ZNF625: variants seen among roughly 807,000 people sequenced by gnomAD.
The protein encoded by ZNF625 is zinc finger protein 625.
ZNF625 carries 8 observed loss-of-function variants against 11.1 expected under a neutral mutation model. That is an observed-to-expected ratio of 0.72 (90% CI 0.42 to 1.30). ZNF625 has a LOEUF of 1.30. Among genes scored for constraint, ZNF625 ranks in the 50% most tolerant of loss-of-function variants. The probability of loss-of-function intolerance (pLI) is 0.01; values close to 1 mark genes in which losing one functional copy is unlikely to be tolerated. For missense variants in ZNF625, 349 were observed against 447.6 expected, an observed-to-expected ratio of 0.78 and a Z score of 1.99; for synonymous variants, 145 against 153.4, an observed-to-expected ratio of 0.95 and a Z score of 0.41.
In ZNF625 at chr19:12,144,936, G is replaced by C. The variant is rs765245482; in HGVS notation, c.*361C>G. The C allele has an allele frequency of 1.1e-5, 2 of 184,612 alleles. No homozygotes were observed. Among genetic ancestry groups the C allele is most frequent in the African/African-American group, 4.7e-5 (2 of 42,148 alleles). 11.4% of individuals were successfully genotyped at this position (184,612 alleles called of 1,614,324 possible). The stretch of plus-strand genomic sequence containing the variant: ...TCACCATATTGACCAGGCTGGTCTC[G>C]AACTACTGACCTCGTGGTCCGCCTG... On this transcript the variant is annotated 3_prime_UTR_variant, in exon 4 of 4. Transcript: ENST00000439556.
chr19:12,155,845 C>T (rs1055859224), intron 1 of ZNF625, among the ~76,000 whole-genome samples: 3 of 151,182 alleles, frequency 2.0e-5, no homozygotes, highest in African/African-American at 7.3e-5. Flanking sequence ...TAGTTTGTTG[C>T]TGTTGTTTTT....
intron 3 of ZNF625, among the ~76,000 whole-genome samples, chr19:12,146,970 ATTTT>A (rs934558893): frequency 7.6e-6 from 1 of 130,818 alleles, no homozygotes; most frequent in African/African-American, 3.0e-5. Flanking sequence ...GTTTTTAGAG[ATTTT>A]TTTTTTTTTT....
intron 3 of ZNF625, among the ~76,000 whole-genome samples, chr19:12,146,970 A>ATTTTTTTTTTTTTTTTTTT (rs934558893): frequency 0.011 from 1,428 of 130,524 alleles, 124 homozygotes; most frequent in African/African-American, 0.037. Flanking sequence ...GTTTTTAGAG[A>ATTTTTTTTTTTTTTTTTTT]TTTTTTTTTT....
At chr19:12,154,959 T>C (rs1977006327) in intron 1 of ZNF625, among the ~76,000 whole-genome samples, 1 of 152,156 alleles carries the variant, frequency 6.6e-6, no homozygotes, top group African/African-American at 2.4e-5. Flanking sequence ...CTCAGTCCTG[T>C]AATCCTAGCA....
At chr19:12,149,574 A>C (rs1976926882) in intron 1 of ZNF625, among the ~76,000 whole-genome samples, 1 of 152,116 alleles carries the variant, frequency 6.6e-6, no homozygotes, top group Non-Finnish European at 1.5e-5. Context: ...TAAGCTGGTA[A>C]AATTTAAGTT....
rs1977032466 is a variant in ZNF625, at chr19:12,156,657, C to A, written c.-99G>T. 1.7e-6 allele frequency: 2 copies of A among 1,169,238 alleles called. No homozygotes were observed. Among genetic ancestry groups the A allele is most frequent in the Non-Finnish European group, 1.1e-6 (1 of 925,590 alleles). The allele number at this position is 1,169,238 out of a possible 1,614,324, so 72.4% of individuals were successfully genotyped here. A position where few individuals can be genotyped will look rare whatever the true frequency, so the allele number is the denominator to read the frequency against. On this transcript the variant is annotated 5_prime_UTR_variant, in exon 1 of 4. Coordinates refer to ENST00000439556, the MANE Select transcript of ZNF625 (RefSeq NM_145233.4). The stretch of plus-strand genomic sequence containing the variant: ...AGCGACAGAAGCTATGGCGGAGGCA[C>A]CTGGTCCCTCTCGGGGCCGGAAAAC...
intron 3 of ZNF625, among the ~76,000 whole-genome samples, chr19:12,146,667 A>G (rs1202930945): frequency 6.6e-6 from 1 of 152,194 alleles, no homozygotes; most frequent in Non-Finnish European, 1.5e-5. Context: ...CCTAGACTCA[A>G]GCAATCTGCC....
At chr19:12,148,156 T>C (rs1976903671) in intron 1 of ZNF625, among the ~76,000 whole-genome samples, 1 of 152,024 alleles carries the variant, frequency 6.6e-6, no homozygotes, top group Non-Finnish European at 1.5e-5. Context: ...ATTTTTGTAT[T>C]TTTAGTAGAG....
At chr19:12,148,031 G>A (rs551289077) in intron 1 of ZNF625, among the ~76,000 whole-genome samples, 2 of 152,186 alleles carry the variant, frequency 1.3e-5, no homozygotes, top group Admixed American at 6.5e-5. Context: ...CCAAGTGGGA[G>A]TGCAGTGGCA....
chr19:12,149,246 C>T (rs1976920522), intron 1 of ZNF625, among the ~76,000 whole-genome samples: 1 of 144,426 alleles, frequency 6.9e-6, no homozygotes, highest in Non-Finnish European at 1.5e-5. Context: ...GATCTCACCA[C>T]TGCACTCCAG....
intron 3 of ZNF625, among the ~76,000 whole-genome samples, chr19:12,146,521 T>A (rs1336952408): frequency 6.6e-6 from 1 of 152,070 alleles, no homozygotes; most frequent in Non-Finnish European, 1.5e-5. Flanking sequence ...GCAACCTCCA[T>A]CTCCCGATCT....
intron 1 of ZNF625, among the ~76,000 whole-genome samples, chr19:12,152,714 C>T (rs750335117): frequency 6.6e-6 from 1 of 151,756 alleles, no homozygotes; most frequent in African/African-American, 2.4e-5. Flanking sequence ...TGGTAGCATG[C>T]GCCTGTAATC....
intron 1 of ZNF625, among the ~76,000 whole-genome samples, chr19:12,153,477 G>A (rs1453235605): frequency 1.3e-5 from 2 of 151,922 alleles, no homozygotes; most frequent in African/African-American, 2.4e-5. Context: ...CTGAGGTCAG[G>A]AGTTCAAGAC....
chr19:12,153,886 C>A (rs1257680139), intron 1 of ZNF625, among the ~76,000 whole-genome samples: 2 of 144,796 alleles, frequency 1.4e-5, no homozygotes, highest in Non-Finnish European at 3.0e-5. Flanking sequence ...CAGCTCACTG[C>A]AAGCTCTCCC....
intron 1 of ZNF625, among the ~76,000 whole-genome samples, chr19:12,150,180 GCT>G: frequency 6.6e-6 from 1 of 152,298 alleles, no homozygotes; most frequent in Admixed American, 6.5e-5. Context: ...AAATACTACA[GCT>G]CTTTCAAATA....
At chr19:12,146,633 C>T (rs1299558549) in intron 3 of ZNF625, among the ~76,000 whole-genome samples, 2 of 152,136 alleles carry the variant, frequency 1.3e-5, no homozygotes. Context: ...GGTTTTGTCA[C>T]ATTTCCCTGG....
intron 3 of ZNF625, among the ~76,000 whole-genome samples, chr19:12,147,049 C>G (rs979232699): frequency 1.4e-4 from 21 of 149,660 alleles, no homozygotes; most frequent in African/African-American, 5.0e-4. Flanking sequence ...TCACTGCAAT[C>G]TCTGCCTCCC....
Position 12,145,270 on chromosome 19 carries a change from C to A in ZNF625, c.*27G>T. On this transcript the variant is annotated 3_prime_UTR_variant, in exon 4 of 4. Coordinates refer to ENST00000439556, the MANE Select transcript of ZNF625 (RefSeq NM_145233.4). ...AACACATTTTTACCATGATTGGATT[C>A]GGTGGCTTCTAGGAATCTTATGTGA... is the stretch of plus-strand genomic sequence containing the variant. 6.4e-7 allele frequency: 1 copy of A among 1,552,948 alleles called. No individual in the cohort carries two copies. The highest frequency in any genetic ancestry group is 8.7e-7 in the Non-Finnish European group (1 of 1,150,466).
chr19:12,146,278 T>C, intron 3 of ZNF625, 54 bp from the exon 4 acceptor site: 3 of 1,495,008 alleles, frequency 2.0e-6, no homozygotes, highest in Non-Finnish European at 2.7e-6. Context: ...TGATTTGATA[T>C]TCATTAACAA....
Sources: allele counts gnomAD v4.1 joint callset (sites outside exome capture counted in the v4.1 genomes callset), GRCh38; gene constraint gnomAD v4.1.1; transcripts MANE v1.5; gene names NCBI Gene and HGNC (gene_info 2026-07-23, HGNC 2026-07-21).